BRD4: variants seen among roughly 807,000 people sequenced by gnomAD.
BRD4 encodes bromodomain-containing protein 4.
BRD4 carries 16 observed loss-of-function variants against 142.1 expected under a neutral mutation model. The observed-to-expected ratio is 0.11, with a 90% CI of 0.08 to 0.17. The LOEUF (loss-of-function observed/expected upper bound fraction) is 0.17. BRD4 is among the 10% of genes least tolerant of loss of function. BRD4 has a pLI of 1.00. For synonymous variants in BRD4, 833 were observed against 707.5 expected, an observed-to-expected ratio of 1.18 and a Z score of -2.82; for missense variants, 1,424 against 1,810.9, an observed-to-expected ratio of 0.79 and a Z score of 3.88.
chr19:15,282,116 C>A (rs1246523092), intron 1 of BRD4, among the ~76,000 whole-genome samples: 1 of 152,188 alleles, frequency 6.6e-6, no homozygotes, highest in Non-Finnish European at 1.5e-5. Context: ...GGCCAGAGAG[C>A]AAATATTGTC....
chr19:15,280,449 A>C (rs1174937437), intron 1 of BRD4: 1 of 1,012,588 alleles, frequency 9.9e-7, no homozygotes, highest in East Asian at 6.9e-5. Context: ...TATTCCAAAG[A>C]ATTTCATCCT....
intron 1 of BRD4, among the ~76,000 whole-genome samples, chr19:15,328,021 T>C (rs2048124830): frequency 6.6e-6 from 1 of 151,852 alleles, no homozygotes; most frequent in African/African-American, 2.4e-5. Context: ...TAACAACGTT[T>C]ATCTCAAAGC....
chr19:15,237,601 A>T lies in BRD4; in HGVS notation c.*776T>A, dbSNP rs2047203543. The T allele has an allele frequency of 4.4e-6, 1 of 227,894 alleles. No individual in the cohort carries two copies. The highest frequency in any genetic ancestry group is 6.2e-5 in the East Asian group (1 of 16,118). 14.1% of individuals were successfully genotyped at this position (227,894 alleles called of 1,614,324 possible). On this transcript the variant is annotated 3_prime_UTR_variant, in exon 20 of 20. Coordinates refer to ENST00000679869, the MANE Select transcript of BRD4 (RefSeq NM_001379291.1). Reference sequence around the variant, plus strand: ...AAGAGAGAATTAAAAATAAAATAGAATTCAACAAAAAATATATATAGAAAA... The same window carrying T: ...AAGAGAGAATTAAAAATAAAATAGATTTCAACAAAAAATATATATAGAAAA...
intron 1 of BRD4, among the ~76,000 whole-genome samples, chr19:15,274,052 C>G (rs148489020): frequency 6.6e-6 from 1 of 152,160 alleles, no homozygotes; most frequent in African/African-American, 2.4e-5. Context: ...GGAGAATTTG[C>G]TACATAAAGC....
At position 15,255,278 on chromosome 19, in the gene BRD4, C is replaced by T. The variant is rs546509029; in HGVS notation, c.2047+19G>A. 2 of 1,600,358 alleles carry T rather than the reference C, an allele frequency of 1.2e-6. No individual in the cohort carries two copies. The highest frequency in any genetic ancestry group is 8.5e-7 in the Non-Finnish European group (1 of 1,169,878). On this transcript the variant is annotated intron_variant, in intron 10 of 19. Transcript: ENST00000679869. ...GGTGCCCACAGAAGGAACCCCATGC[C>T]CAGGGGGCCCAAGCACACCTTGAGG...
At chr19:15,294,168 T>C (rs2047805352) in intron 1 of BRD4, among the ~76,000 whole-genome samples, 1 of 152,266 alleles carries the variant, frequency 6.6e-6, no homozygotes, top group Non-Finnish European at 1.5e-5. Context: ...ATGTAATGAT[T>C]TTCTCATACT....
Position 15,243,351 on chromosome 19 carries a change from G to A in BRD4, c.2718C>T (p.Ala906=), listed in dbSNP as rs2047256411. The A allele has an allele frequency of 7.0e-7, 1 of 1,434,906 alleles. No homozygotes were observed. The highest frequency in any genetic ancestry group is 9.2e-7 in the Non-Finnish European group (1 of 1,088,012). The allele number at this position is 1,434,906 out of a possible 1,614,324, so 88.9% of individuals were successfully genotyped here. The change falls in exon 14 of 20, where the codon GCC becomes GCT. Residue 906 remains alanine, a synonymous_variant. Transcript: ENST00000679869. ...CCTCCAGCAGCACTTGGGGGGGTTG[G>A]GCCATGGGGGGCTGTGGGAGCAGGG... ...QTPLLPQPPM[A]QPPQVLLEDE... is the part of the protein sequence containing the mutation.
At chr19:15,241,771 G>C (rs946876086) in intron 14 of BRD4, among the ~76,000 whole-genome samples, 35 of 151,494 alleles carry the variant, frequency 2.3e-4, no homozygotes, top group African/African-American at 8.0e-4. Flanking sequence ...CTTGTTCTTG[G>C]CTCAGGGCAT....
intron 1 of BRD4, among the ~76,000 whole-genome samples, chr19:15,305,570 G>C (rs976451935): frequency 2.0e-5 from 3 of 152,228 alleles, no homozygotes; most frequent in African/African-American, 4.8e-5. Context: ...GCTGTAAACA[G>C]ATGTGCTGTC....
At chr19:15,253,053 G>A in intron 11 of BRD4, 1 of 241,126 alleles carries the variant, frequency 4.1e-6, no homozygotes, top group African/African-American at 2.2e-5. Flanking sequence ...ACAGGCCCGT[G>A]GGAGAACATG....
intron 1 of BRD4, among the ~76,000 whole-genome samples, chr19:15,311,636 C>T (rs1017327487): frequency 1.3e-5 from 2 of 149,516 alleles, no homozygotes; most frequent in African/African-American, 2.5e-5. Flanking sequence ...ACTAAAAATA[C>T]ATTAAAAAAA....
chr19:15,295,776 G>C (rs1391493613), intron 1 of BRD4, among the ~76,000 whole-genome samples: 1 of 152,148 alleles, frequency 6.6e-6, no homozygotes. Flanking sequence ...TTCAAGACCA[G>C]CCTGGCCAAC....
chr19:15,272,597 A>G (rs1431619733), intron 2 of BRD4, among the ~76,000 whole-genome samples: 1 of 152,142 alleles, frequency 6.6e-6, no homozygotes. Context: ...CAGGATTCCA[A>G]TATCTAAGAA....
intron 2 of BRD4, among the ~76,000 whole-genome samples, chr19:15,272,174 T>TTTG (rs2047595290): frequency 6.6e-6 from 1 of 151,986 alleles, no homozygotes; most frequent in Non-Finnish European, 1.5e-5. Context: ...TATGGAAAAC[T>TTTG]CTCCAGGGAA....
At chr19:15,320,558 A>G (rs1423633982) in intron 1 of BRD4, among the ~76,000 whole-genome samples, 1 of 152,216 alleles carries the variant, frequency 6.6e-6, no homozygotes, top group African/African-American at 2.4e-5. Flanking sequence ...GTAAGCATTT[A>G]TTTAAACTTT....
In BRD4 at chr19:15,265,574, G is replaced by A. The variant is rs745976416; in HGVS notation, c.629C>T (p.Thr210Ile). ...CACAGGAGGAGGATTCGGCTGAGGGGTCTGGGTCTGCGGAGGAGTCGATGC... is the reference window on the plus strand; with the variant it reads ...CACAGGAGGAGGATTCGGCTGAGGGATCTGGGTCTGCGGAGGAGTCGATGC... ...TQASTPPQTQ[T>I]PQPNPPPVQA... The change falls in exon 5 of 20, where the codon ACC (threonine) becomes ATC (isoleucine). Residue 210 changes from threonine (T) to isoleucine (I), a missense_variant. By Grantham distance (89) the Thr-to-Ile change is moderately conservative. This residue lies in a region of BRD4 where 140 missense variants were observed against 131.7 expected (regional missense o/e 1.06). Transcript: ENST00000679869. The A allele has an allele frequency of 1.9e-6, 3 of 1,614,172 alleles. No individual in the cohort carries two copies. Among genetic ancestry groups the A allele is most frequent in the South Asian group, 1.1e-5 (1 of 91,082 alleles).
chr19:15,239,105 C>G lies in BRD4; in HGVS notation c.3736G>C (p.Glu1246Gln), dbSNP rs1226412060. Residue 1246 changes from glutamate (E) to glutamine (Q), a missense_variant, in exon 18 of 20, where the codon GAG becomes CAG. Glu to Gln is a conservative substitution (Grantham distance 29). Coordinates refer to ENST00000679869, the MANE Select transcript of BRD4 (RefSeq NM_001379291.1). This position sits in a 1 kb window ranked among gnomAD's most constrained non-coding sequence, Gnocchi z 7.4. ...CGCTCCTTCTCCTTCTCAGCGTGCT[C>G]GGCCTGAGCCTTCAGGGCCTTCTCA... The part of the protein sequence containing the change: ...EREKALKAQA[E>Q]HAEKEKERLR... 3 of 1,608,084 alleles carry G rather than the reference C, an allele frequency of 1.9e-6. No homozygotes were observed. Among genetic ancestry groups the G allele is most frequent in the African/African-American group, 1.3e-5 (1 of 75,016 alleles).
intron 4 of BRD4, among the ~76,000 whole-genome samples, chr19:15,266,266 G>T (rs1354380753): frequency 6.6e-6 from 1 of 152,234 alleles, no homozygotes; most frequent in Non-Finnish European, 1.5e-5. Flanking sequence ...GTGGACCAGG[G>T]TGAGAATGTC....
At chr19:15,251,641 T>C (rs1260995045) in intron 11 of BRD4, among the ~76,000 whole-genome samples, 1 of 152,062 alleles carries the variant, frequency 6.6e-6, no homozygotes, top group Non-Finnish European at 1.5e-5. Flanking sequence ...CCCCCCGCCC[T>C]GAGAGTGCAG....
Sources: allele counts gnomAD v4.1 joint callset (sites outside exome capture counted in the v4.1 genomes callset), GRCh38; gene constraint gnomAD v4.1.1; regional missense constraint gnomAD v4.1.1; non-coding constraint Gnocchi (gnomAD v3.1); transcripts MANE v1.5; gene names NCBI Gene and HGNC (gene_info 2026-07-23, HGNC 2026-07-21).